SERPINA3: variants seen among roughly 807,000 people sequenced by gnomAD.
SERPINA3 encodes the protein serpin family A member 3, also known as alpha-1-antichymotrypsin.
A neutral mutation model predicts 26.8 loss-of-function variants in SERPINA3; 32 were observed. The ratio of observed to expected loss-of-function variants is 1.20; its 90% CI spans 0.90 to 1.61. The LOEUF is 1.61. Among genes scored for constraint, SERPINA3 ranks in the 40% most tolerant of loss-of-function variants. The probability of loss-of-function intolerance (pLI) is 0.00; values close to 1 mark genes in which losing one functional copy is unlikely to be tolerated. For missense variants in SERPINA3, 632 were observed against 517.9 expected, an observed-to-expected ratio of 1.22 and a Z score of -2.14; for synonymous variants, 252 against 206.4, an observed-to-expected ratio of 1.22 and a Z score of -1.89.
In SERPINA3 at chr14:94,614,962, C is replaced by T. The variant is rs745350347; in HGVS notation, c.521C>T (p.Ala174Val). The stretch of plus-strand genomic sequence containing the variant: ...TTTGCCACTGACTTTCAGGACTCAG[C>T]TGCAGCTAAGAAGCTCATCAACGAC... ...EAFATDFQDS[A>V]AAKKLINDYV... is the part of the protein sequence containing the mutation. Residue 174 changes from alanine to valine, a missense_variant, in exon 2 of 5, where the codon GCT becomes GTT. Ala to Val is a moderately conservative substitution (Grantham distance 64, BLOSUM62 0). Coordinates refer to ENST00000393078, the MANE Select transcript of SERPINA3 (RefSeq NM_001085.5). 5 of 1,613,342 alleles carry T rather than the reference C, an allele frequency of 3.1e-6. No individual in the cohort carries two copies. The highest frequency in any genetic ancestry group is 1.1e-5 in the South Asian group (1 of 91,084).
At chr14:94,619,046 A>G (rs1886097073) in intron 2 of SERPINA3, 149 bp from the exon 3 acceptor site, 4 of 857,632 alleles carry the variant, frequency 4.7e-6, no homozygotes, top group East Asian at 2.4e-5. Context: ...CTCACCCCCA[A>G]TAACTTTTAC....
intron 2 of SERPINA3, chr14:94,617,750 G>T (rs1035297978): frequency 6.6e-6 from 1 of 152,196 alleles, no homozygotes. Flanking sequence ...CTAAAACCAA[G>T]AATGGAGGTG....
chr14:94,622,379 C>T lies in SERPINA3; in HGVS notation c.956C>T (p.Ser319Leu), dbSNP rs777214595. The T allele has an allele frequency of 2.6e-4, 425 of 1,613,942 alleles. No homozygotes were observed. The highest frequency in any genetic ancestry group is 6.9e-4 in the East Asian group (31 of 44,850). The stretch of plus-strand genomic sequence containing the variant: ...CTCTACCTGCCAAAGTTTTCCATCT[C>T]GAGGGACTATAACCTGAACGACATA... The part of the protein sequence containing the change: ...GELYLPKFSI[S>L]RDYNLNDILL... The change falls in exon 4 of 5, where the codon TCG (serine) becomes TTG (leucine). Residue 319 changes from serine (S) to leucine (L), a missense_variant. Transcript: ENST00000393078.
rs138243726 is a variant in SERPINA3, at chr14:94,618,640, T to A, written c.644-555T>A. 1.8e-3 allele frequency: 337 copies of A among 188,226 alleles called. 1 individual carries two copies. The highest frequency in any genetic ancestry group is 7.5e-3 in the African/African-American group (316 of 42,296). 11.7% of individuals were successfully genotyped at this position (188,226 alleles called of 1,614,324 possible). The stretch of plus-strand genomic sequence containing the variant: ...TGGTCTCTCCTGGCTCTGAGTTCTA[T>A]CTTCCATTAAGGTTCTTCCTGTTCC... On this transcript the variant is annotated intron_variant, in intron 2 of 4. Coordinates refer to ENST00000393078, the MANE Select transcript of SERPINA3 (RefSeq NM_001085.5).
chr14:94,614,123 C>G, intron 1 of SERPINA3: 1 of 383,240 alleles, frequency 2.6e-6, no homozygotes, highest in Non-Finnish European at 4.9e-6. Flanking sequence ...GACCGAGGAG[C>G]CAGGCAAACC....
chr14:94,622,397 A>C lies in SERPINA3; in HGVS notation c.974A>C (p.Asn325Thr), dbSNP rs539470184. The C allele has an allele frequency of 5.6e-6, 9 of 1,614,018 alleles. No individual in the cohort carries two copies. In the African/African-American group the frequency reaches 8.0e-5, roughly 14 times the overall value. The change falls in exon 4 of 5, where the codon AAC becomes ACC. Residue 325 changes from asparagine to threonine, a missense_variant. Transcript: ENST00000393078. ...KFSISRDYNL[N>T]DILLQLGIEE... ...TCCATCTCGAGGGACTATAACCTGA[A>C]CGACATACTTCTCCAGCTGGGCATT...
intron 2 of SERPINA3, chr14:94,617,690 C>T (rs1333285472): frequency 6.6e-6 from 1 of 152,170 alleles, no homozygotes; most frequent in African/African-American, 2.4e-5. Flanking sequence ...CTCATTTTAA[C>T]CCCTAAAGTA....
chr14:94,622,732 T>C, intron 4 of SERPINA3: 1 of 573,252 alleles, frequency 1.7e-6, no homozygotes, highest in South Asian at 1.9e-5. Flanking sequence ...CAGAGAGCCA[T>C]GGACACCATT....
At chr14:94,613,509 T>C (rs1885864824) in intron 1 of SERPINA3, 1 of 152,210 alleles carries the variant, frequency 6.6e-6, no homozygotes, top group South Asian at 2.1e-4. Context: ...TCGGTACGTC[T>C]AATATGAACC....
intron 2 of SERPINA3, 99 bp from the exon 3 acceptor site, chr14:94,619,096 C>A (rs1315825828): frequency 7.2e-7 from 1 of 1,393,932 alleles, no homozygotes. Context: ...CAGGGTCCCT[C>A]CTATGAGGGA....
In SERPINA3 at chr14:94,614,816, CCT is replaced by C. The variant is rs1428041126; in HGVS notation, c.377_378del (p.Leu126GlnfsTer6). 6.2e-7 allele frequency: 1 copy of C among 1,614,176 alleles called. No individual in the cohort carries two copies. Among genetic ancestry groups the C allele is most frequent in the Non-Finnish European group, 8.5e-7 (1 of 1,180,038 alleles). ...HQSFQHLLRT[L>X]NQSSDELQLS... ...AGAGCTTCCAGCACCTCCTGCGCAC[CCT>C]CAATCAGTCCAGCGATGAGCTGCAG... On this transcript the variant is annotated frameshift_variant, in exon 2 of 5. Transcript: ENST00000393078. LOFTEE classifies it high-confidence loss of function.
intron 2 of SERPINA3, among the ~76,000 whole-genome samples, chr14:94,615,748 C>G (rs746454537): frequency 1.3e-5 from 2 of 152,214 alleles, no homozygotes; most frequent in Non-Finnish European, 2.9e-5. Context: ...AAAACATGAC[C>G]CTTTGCCAGA....
At position 94,620,338 on chromosome 14, in the gene SERPINA3, T is replaced by A. The variant is rs542980228; in HGVS notation, c.917+870T>A. ...TTCCACTTCCTCCATCTTGTCTTGA[T>A]CAGGGAGGATGAAGAGTGCGCTGGC... On this transcript the variant is annotated intron_variant, in intron 3 of 4. Transcript: ENST00000393078. Among the ~76,000 whole-genome samples the A allele has an allele frequency of 1.4e-4, 21 of 152,258 alleles. 1 individual carries two copies. The South Asian group carries it at 2.3e-3, about 17-fold the overall frequency.
intron 2 of SERPINA3, among the ~76,000 whole-genome samples, chr14:94,616,053 G>A (rs144937193): frequency 2.3e-4 from 35 of 152,326 alleles, no homozygotes; most frequent in African/African-American, 8.4e-4. Context: ...TGTAAATGAA[G>A]GCGTGGATCC....
Position 94,614,533 on chromosome 14 carries a change from A to T in SERPINA3, c.92A>T (p.Glu31Val). Residue 31 changes from glutamate (E) to valine (V), a missense_variant, in exon 2 of 5, where the codon GAG becomes GTG. Physicochemically the swap from Glu to Val is moderately radical, Grantham distance 121. Transcript: ENST00000393078. ...TGCCACCCTAACAGCCCACTTGACG[A>T]GGAGAATCTGACCCAGGAGAACCAA... ...VLCHPNSPLD[E>V]ENLTQENQDR... The T allele has an allele frequency of 6.2e-7, 1 of 1,613,834 alleles. No homozygotes were observed. The highest frequency in any genetic ancestry group is 8.5e-7 in the Non-Finnish European group (1 of 1,179,846).
In SERPINA3 at chr14:94,612,406, C is replaced by T. The variant is rs375455184; in HGVS notation, c.-50C>T. The T allele has an allele frequency of 9.1e-5, 124 of 1,365,942 alleles. No individual in the cohort carries two copies. The African/African-American group carries it at 9.9e-4, about 11-fold the overall frequency. 84.6% of individuals were successfully genotyped at this position (1,365,942 alleles called of 1,614,324 possible). A position where few individuals can be genotyped will look rare whatever the true frequency, so the allele number is the denominator to read the frequency against. ...ATGAAAATCCACTACTCCAGACAGA[C>T]GGCTTTGGAATCCACCAGCTACATC... is the stretch of plus-strand genomic sequence containing the variant. On this transcript the variant is annotated 5_prime_UTR_variant, in exon 1 of 5. It adds an upstream start codon to the 5' untranslated region. Coordinates refer to ENST00000393078, the MANE Select transcript of SERPINA3 (RefSeq NM_001085.5).
intron 2 of SERPINA3, chr14:94,618,263 CT>C (rs1260986205): frequency 6.6e-6 from 1 of 152,122 alleles, no homozygotes; most frequent in Non-Finnish European, 1.5e-5. Flanking sequence ...AAGATTTTCT[CT>C]TTCTCTTTAC....
chr14:94,614,322 G>T, intron 1 of SERPINA3, 112 bp from the exon 2 acceptor site: 1 of 1,088,128 alleles, frequency 9.2e-7, no homozygotes, highest in Non-Finnish European at 1.4e-6. Context: ...AGGCTCCAAA[G>T]CTAGCAAGAG....
Position 94,622,503 on chromosome 14 carries a change from G to A in SERPINA3, c.1068+12G>A, listed in dbSNP as rs773335549. On this transcript the variant is annotated intron_variant, in intron 4 of 4. Transcript: ENST00000393078. ...TAGCAGTCTCCCAGGTGAGTCTTTA[G>A]ACTTGGGTCAATTCATCCTTTGTAT... The A allele has an allele frequency of 3.7e-6, 6 of 1,613,794 alleles. No homozygotes were observed. Among genetic ancestry groups the A allele is most frequent in the Admixed American group, 3.3e-5 (2 of 59,986 alleles).
Sources: allele counts gnomAD v4.1 joint callset (sites outside exome capture counted in the v4.1 genomes callset), GRCh38; gene constraint gnomAD v4.1.1; transcripts MANE v1.5; gene names NCBI Gene and HGNC (gene_info 2026-07-23, HGNC 2026-07-21).